MICAL2: variants seen among roughly 807,000 people sequenced by gnomAD.
MICAL2 encodes the protein microtubule associated monooxygenase, calponin and LIM domain containing 2, also known as [F-actin]-monooxygenase MICAL2.
A neutral mutation model predicts 127.3 loss-of-function variants in MICAL2; 77 were observed. The observed-to-expected ratio is 0.60, with a 90% CI of 0.50 to 0.73. The LOEUF (loss-of-function observed/expected upper bound fraction) is 0.73. Ranked by LOEUF, MICAL2 falls within the 30% of genes least tolerant of loss-of-function variation. MICAL2 has a pLI of 0.00. For synonymous variants in MICAL2, 570 were observed against 551.1 expected, an observed-to-expected ratio of 1.03 and a Z score of -0.48; for missense variants, 1,351 against 1,434.4, an observed-to-expected ratio of 0.94 and a Z score of 0.94.
rs1168624255 is a variant in MICAL2 at position 12,220,391 on chromosome 11, C to T, written c.1139C>T (p.Ala380Val). The change falls in exon 9 of 28, where the codon GCG becomes GTG. Residue 380 changes from alanine to valine, a missense_variant. Physicochemically the swap from Ala to Val is moderately conservative, Grantham distance 64. Around this residue, in one of 2 missense-constraint regions of MICAL2, gnomAD observed 599 missense variants for 714.9 expected, o/e 0.84. Transcript: ENST00000683283. ...DFTCMYASEN[A>V]ALVRERQAHQ... ...ACCTGCATGTATGCCTCAGAGAACG[C>T]GGCCCTGGTGCGGGAGCGGCAGGCG... 1.4e-5 allele frequency: 23 copies of T among 1,613,934 alleles called. No homozygotes were observed. Among genetic ancestry groups the T allele is most frequent in the Admixed American group, 3.3e-5 (2 of 60,008 alleles).
chr11:12,187,627 T>C (rs11022242), intron 3 of MICAL2, among the ~76,000 whole-genome samples: 31,894 of 152,226 alleles, frequency 0.21, 3,976 homozygotes, highest in African/African-American at 0.34. Flanking sequence ...GGCTTTGTTG[T>C]AGCGGTTCCT....
At chr11:12,260,374 T>C (rs1166583483) in intron 26 of MICAL2, 1 of 1,281,296 alleles carries the variant, frequency 7.8e-7, no homozygotes, top group Non-Finnish European at 9.8e-7. Flanking sequence ...AGGGATGATA[T>C]GAAGGATCTT....
intron 1 of MICAL2, among the ~76,000 whole-genome samples, chr11:12,129,768 TG>T (rs1033449799): frequency 3.3e-5 from 5 of 151,850 alleles, no homozygotes; most frequent in Admixed American, 6.6e-5. Context: ...AGAGCAGTGG[TG>T]GGATCATAGC....
intron 29 of MICAL2, among the ~76,000 whole-genome samples, chr11:12,307,069 T>C (rs1351466112): frequency 6.6e-6 from 1 of 152,232 alleles, no homozygotes; most frequent in African/African-American, 2.4e-5. Flanking sequence ...CATACAACCA[T>C]GCACAAGAGT....
chr11:12,226,058 G>A, intron 13 of MICAL2, 113 bp from the exon 14 acceptor site: 1 of 1,000,870 alleles, frequency 1.0e-6, no homozygotes, highest in Non-Finnish European at 1.5e-6. Flanking sequence ...CCTGTAACCT[G>A]CCGACACCTG....
At chr11:12,284,720 G>A (rs1863806572) in intron 2 of MICAL2, among the ~76,000 whole-genome samples, 1 of 152,150 alleles carries the variant, frequency 6.6e-6, no homozygotes, top group African/African-American at 2.4e-5. Context: ...AAAACATCCA[G>A]CCTGGAAAGC....
At chr11:12,237,755 A>G (rs1859283812) in intron 16 of MICAL2, among the ~76,000 whole-genome samples, 1 of 152,228 alleles carries the variant, frequency 6.6e-6, no homozygotes. Context: ...ATCCAGGAGC[A>G]GCAGCAGCAG....
chr11:12,310,672 G>A (rs540490710), intron 29 of MICAL2, among the ~76,000 whole-genome samples: 1 of 151,770 alleles, frequency 6.6e-6, no homozygotes, highest in South Asian at 2.1e-4. Flanking sequence ...TCGTGGTTCT[G>A]TACAAATTTT....
At chr11:12,335,680 A>T (rs1407864568) in intron 32 of MICAL2, among the ~76,000 whole-genome samples, 1 of 151,616 alleles carries the variant, frequency 6.6e-6, no homozygotes, top group Non-Finnish European at 1.5e-5. Context: ...ATGGCTAGCT[A>T]GTTTTCCCAG....
downstream of MICAL2, among the ~76,000 whole-genome samples, chr11:12,268,445 T>C (rs1194754463): frequency 1.3e-5 from 2 of 152,180 alleles, no homozygotes; most frequent in Non-Finnish European, 2.9e-5. Context: ...CCCTCTTCAC[T>C]GTGCCTTGCT....
intron 32 of MICAL2, among the ~76,000 whole-genome samples, chr11:12,338,360 A>G (rs972872738): frequency 2.4e-4 from 36 of 152,048 alleles, no homozygotes; most frequent in African/African-American, 7.0e-4. Context: ...CTGCACGTGA[A>G]ATGGGTTTCC....
intron 31 of MICAL2, among the ~76,000 whole-genome samples, chr11:12,326,963 A>G (rs1390512325): frequency 6.6e-6 from 1 of 152,198 alleles, no homozygotes; most frequent in Non-Finnish European, 1.5e-5. Flanking sequence ...TTGAACATAC[A>G]TACAAATTCC....
At chr11:12,136,872 G>A (rs1364093255) in intron 1 of MICAL2, among the ~76,000 whole-genome samples, 3 of 152,126 alleles carry the variant, frequency 2.0e-5, no homozygotes, top group East Asian at 3.9e-4. Flanking sequence ...AAAGAGCCCC[G>A]TGTCCCTGCT....
At chr11:12,119,588 CT>C (rs1408758873) in intron 1 of MICAL2, among the ~76,000 whole-genome samples, 2 of 152,222 alleles carry the variant, frequency 1.3e-5, no homozygotes, top group African/African-American at 4.8e-5. Context: ...AATGCAACAC[CT>C]TTCCCCCACT....
chr11:12,336,631 A>G (rs1938766138), intron 32 of MICAL2, among the ~76,000 whole-genome samples: 2 of 152,132 alleles, frequency 1.3e-5, no homozygotes, highest in East Asian at 1.9e-4. Context: ...CATCCCATCA[A>G]TACCTAATTT....
chr11:12,361,447 T>C (rs1229101101), downstream of MICAL2, among the ~76,000 whole-genome samples: 2 of 152,212 alleles, frequency 1.3e-5, no homozygotes, highest in Non-Finnish European at 2.9e-5. Context: ...CTATTTTTAT[T>C]ATAAGCATCA....
At chr11:12,249,073 C>A in intron 21 of MICAL2, 111 bp from the exon 22 acceptor site, 2 of 1,406,240 alleles carry the variant, frequency 1.4e-6, no homozygotes, top group Non-Finnish European at 9.9e-7. Context: ...ATGTCCTAAC[C>A]TATGCAAAAT....
At chr11:12,338,934 T>C (rs1938813440) in intron 32 of MICAL2, among the ~76,000 whole-genome samples, 2 of 152,206 alleles carry the variant, frequency 1.3e-5, no homozygotes, top group Admixed American at 1.3e-4. Flanking sequence ...TTATGTGTCT[T>C]GGAGTTGCTC....
At chr11:12,292,416 A>G, downstream of MICAL2, 1 of 1,088,976 alleles carries the variant, frequency 9.2e-7, no homozygotes. Context: ...GTGCAAAGCC[A>G]GCGCCAGAAG....
Sources: allele counts gnomAD v4.1 joint callset (sites outside exome capture counted in the v4.1 genomes callset), GRCh38; gene constraint gnomAD v4.1.1; regional missense constraint gnomAD v4.1.1; transcripts MANE v1.5; gene names NCBI Gene and HGNC (gene_info 2026-07-23, HGNC 2026-07-21).